PRLR: variants seen among roughly 807,000 people sequenced by gnomAD.
The protein encoded by PRLR is hPRL receptor.
Under a neutral mutation model 40.2 loss-of-function variants are expected in PRLR, and 13 were observed. That is an observed-to-expected ratio of 0.32 (90% confidence interval 0.21 to 0.51). The LOEUF is 0.51. PRLR is among the 20% of genes least tolerant of loss of function. PRLR has a pLI of 0.97. For missense variants in PRLR, 656 were observed against 747.3 expected (o/e 0.88, Z 1.42); for synonymous variants, 269 against 278.7 (o/e 0.97, Z 0.35).
chr5:35,194,721 C>T (rs1238849579), intron 1 of PRLR, among the ~76,000 whole-genome samples: 1 of 152,204 alleles, frequency 6.6e-6, no homozygotes, highest in South Asian at 2.1e-4. Context: ...AGAAAAGACA[C>T]AAGTATAGAG....
intron 2 of PRLR, among the ~76,000 whole-genome samples, chr5:35,117,415 G>A (rs1773090114): frequency 6.6e-6 from 1 of 152,204 alleles, no homozygotes. Context: ...GCTCATCTCA[G>A]TGGGTCCAGA....
intron 1 of PRLR, chr5:35,195,336 G>C (rs545010631): frequency 6.6e-6 from 1 of 152,264 alleles, no homozygotes; most frequent in East Asian, 1.9e-4. Flanking sequence ...GAATTCCTAC[G>C]GTCTCAAATG....
chr5:35,148,701 T>G (rs1579732584), intron 1 of PRLR, among the ~76,000 whole-genome samples: 1 of 152,248 alleles, frequency 6.6e-6, no homozygotes, highest in East Asian at 1.9e-4. Context: ...ATTCCTTCCT[T>G]CTCTTAGAAA....
In PRLR at chr5:35,092,636, A is replaced by G. The variant is rs374296526; in HGVS notation, c.-43-2973T>C. On this transcript the variant is annotated intron_variant, in intron 2 of 9. Coordinates refer to ENST00000618457, the MANE Select transcript of PRLR (RefSeq NM_000949.7). ...GCGTGGCCCTTCTTATTCTCTCCCA[A>G]TTGGGACTGGAATATCCAATGAGGG... 8.5e-5 allele frequency among the ~76,000 whole-genome samples: 13 copies of G among 152,264 alleles called. No homozygotes were observed. In the East Asian group the frequency reaches 2.1e-3, roughly 25 times the overall value.
intron 1 of PRLR, among the ~76,000 whole-genome samples, chr5:35,126,614 C>T (rs562367050): frequency 3.1e-4 from 47 of 152,264 alleles, no homozygotes; most frequent in South Asian, 8.3e-4. Flanking sequence ...GATCTAAATA[C>T]GACTTGTGCC....
chr5:35,199,840 G>A (rs1055810092), intron 1 of PRLR, among the ~76,000 whole-genome samples: 1 of 152,130 alleles, frequency 6.6e-6, no homozygotes, highest in African/African-American at 2.4e-5. Context: ...ATTCAAAAAT[G>A]TATCTATTAT....
rs552163933 is a variant in PRLR, at chr5:35,066,744, T to A, written c.856-642A>T. ...CCCCCTCCTATTTCCTCCTGCCTCC[T>A]CCTCTCACTCTTGCCTCTTTTTTTT... On this transcript the variant is annotated intron_variant, in intron 9 of 9. Coordinates refer to ENST00000618457, the MANE Select transcript of PRLR (RefSeq NM_000949.7). Among the ~76,000 whole-genome samples, 7 of 144,104 alleles carry A rather than the reference T, an allele frequency of 4.9e-5. No homozygotes were observed. In the South Asian group the frequency reaches 1.6e-3, roughly 33 times the overall value. 94.5% of individuals were successfully genotyped at this position (144,104 alleles called of 152,430 possible). A position where few individuals can be genotyped will look rare whatever the true frequency, so the allele number is the denominator to read the frequency against.
intron 2 of PRLR, among the ~76,000 whole-genome samples, chr5:35,094,277 A>T (rs573905811): frequency 1.3e-5 from 2 of 151,364 alleles, no homozygotes; most frequent in African/African-American, 4.9e-5. Context: ...ATCATACAAC[A>T]TGCATTTCTT....
intron 6 of PRLR, 22 bp downstream of exon 6, chr5:35,072,552 CA>C (rs1169825294): frequency 2.9e-5 from 46 of 1,605,616 alleles, no homozygotes; most frequent in Non-Finnish European, 3.9e-5. Context: ...ATAGTTCCTT[CA>C]AAAAGCATAT....
At chr5:35,228,416 C>T (rs1016527784) in intron 1 of PRLR, among the ~76,000 whole-genome samples, 3 of 152,044 alleles carry the variant, frequency 2.0e-5, no homozygotes, top group African/African-American at 7.3e-5. Flanking sequence ...CACCCAGGGT[C>T]CCCAGAGATG....
chr5:35,054,616 T>A (rs967646451), downstream of PRLR, among the ~76,000 whole-genome samples: 1 of 152,208 alleles, frequency 6.6e-6, no homozygotes, highest in Non-Finnish European at 1.5e-5. Flanking sequence ...TATATGTGTA[T>A]ACAACCACAG....
At chr5:35,104,643 C>G (rs1017041969) in intron 2 of PRLR, among the ~76,000 whole-genome samples, 1 of 152,098 alleles carries the variant, frequency 6.6e-6, no homozygotes, top group Non-Finnish European at 1.5e-5. Flanking sequence ...AGTCTGAGAT[C>G]GAACTGCAAG....
chr5:35,174,185 G>A (rs1043643943), intron 1 of PRLR, among the ~76,000 whole-genome samples: 3 of 151,850 alleles, frequency 2.0e-5, no homozygotes, highest in Admixed American at 2.0e-4. Context: ...TGCCTCCCAG[G>A]TTCTAGCAAT....
chr5:35,066,349 A>G (rs1268763160), intron 9 of PRLR, among the ~76,000 whole-genome samples: 3 of 152,156 alleles, frequency 2.0e-5, no homozygotes, highest in Admixed American at 2.0e-4. Flanking sequence ...TTTAATGGGC[A>G]AGTAGTATAT....
chr5:35,193,315 T>C (rs1282445397), intron 1 of PRLR, among the ~76,000 whole-genome samples: 6 of 152,252 alleles, frequency 3.9e-5, no homozygotes, highest in African/African-American at 1.4e-4. Context: ...GGTAAGAAAT[T>C]CTCAAGAGCT....
chr5:35,158,725 T>C (rs1419627895), intron 1 of PRLR, among the ~76,000 whole-genome samples: 3 of 152,074 alleles, frequency 2.0e-5, no homozygotes, highest in African/African-American at 4.8e-5. Context: ...TGGAGACAGA[T>C]GCTGGGAGAC....
At chr5:35,115,453 A>G (rs116687375) in intron 2 of PRLR, among the ~76,000 whole-genome samples, 1,625 of 152,296 alleles carry the variant, frequency 0.011, 35 homozygotes, top group African/African-American at 0.037. Context: ...AGAAACTCTA[A>G]CAGGTAAGTG....
chr5:35,102,319 G>A (rs1380103598), intron 2 of PRLR, among the ~76,000 whole-genome samples: 1 of 152,102 alleles, frequency 6.6e-6, no homozygotes, highest in African/African-American at 2.4e-5. Flanking sequence ...TAGGACTTGA[G>A]CATTTTAAGA....
intron 1 of PRLR, among the ~76,000 whole-genome samples, chr5:35,154,120 GA>G (rs1774419572): frequency 6.6e-6 from 1 of 152,244 alleles, no homozygotes; most frequent in African/African-American, 2.4e-5. Flanking sequence ...AAATATACTT[GA>G]ATATATTTCC....
Sources: gnomAD v4.1 joint callset for allele counts (sites outside exome capture counted in the v4.1 genomes callset) on GRCh38, gnomAD v4.1.1 for gene constraint, MANE v1.5 for transcripts, NCBI Gene and HGNC (gene_info 2026-07-23, HGNC 2026-07-21) for gene names.